The following TENM2 variants were observed in gnomAD, a reference collection of about 807,000 sequenced individuals.
The protein encoded by TENM2 is teneurin transmembrane protein 2, also known as teneurin-2.
TENM2 carries 52 observed loss-of-function variants against 245.2 expected under a neutral mutation model. The ratio of observed to expected loss-of-function variants is 0.21; its 90% confidence interval spans 0.17 to 0.27. The LOEUF (loss-of-function observed/expected upper bound fraction) is 0.27, where lower values mean the gene tolerates loss of function less well. Among genes scored for constraint, TENM2 ranks in the 10% least tolerant of loss-of-function variants. TENM2 has a pLI of 1.00. For missense variants in TENM2, 3,046 were observed against 3,666.8 expected (o/e 0.83, Z 4.37); for synonymous variants, 1,363 against 1,438.9 (o/e 0.95, Z 1.19).
At chr5:167,961,163 A>C (rs916809852) in intron 4 of TENM2, among the ~76,000 whole-genome samples, 2 of 152,244 alleles carry the variant, frequency 1.3e-5, no homozygotes, top group African/African-American at 4.8e-5. Flanking sequence ...GCCAGCCAGC[A>C]GAATTATAGG....
intron 2 of TENM2, among the ~76,000 whole-genome samples, chr5:167,809,939 C>T (rs966396417): frequency 6.6e-6 from 1 of 152,000 alleles, no homozygotes; most frequent in Admixed American, 6.6e-5. Context: ...GGTCCTTGCT[C>T]CAGTCAATAG....
the TENM2 span, among the ~76,000 whole-genome samples, chr5:167,112,805 G>A: frequency 2.6e-5 from 4 of 152,238 alleles, no homozygotes; most frequent in African/African-American, 4.8e-5. Context: ...CTTTCCTAAC[G>A]GAATATTGGA....
intron 4 of TENM2, among the ~76,000 whole-genome samples, chr5:167,990,119 T>A (rs1362479931): frequency 6.6e-6 from 1 of 152,206 alleles, no homozygotes; most frequent in Non-Finnish European, 1.5e-5. Context: ...CACTACTCAC[T>A]CTGGGAGAAT....
the TENM2 span, among the ~76,000 whole-genome samples, chr5:167,149,229 C>T: frequency 1.3e-5 from 2 of 151,698 alleles, no homozygotes; most frequent in Admixed American, 6.6e-5. Flanking sequence ...TTTTTTCTCC[C>T]CTGATAGATT....
At chr5:167,683,154 C>G (rs554317871) in intron 2 of TENM2, among the ~76,000 whole-genome samples, 1 of 152,142 alleles carries the variant, frequency 6.6e-6, no homozygotes, top group South Asian at 2.1e-4. Context: ...ATTTCTTTCA[C>G]AGCAATTATA....
chr5:168,047,527 A>G (rs1788712500), exon 6 of TENM2: 1 of 1,551,638 alleles, frequency 6.4e-7, no homozygotes. Context: ...ATGATGTGGC[A>G]ACAATGCCAT....
chr5:167,877,239 C>T (rs1016168777), intron 3 of TENM2, among the ~76,000 whole-genome samples: 2 of 152,136 alleles, frequency 1.3e-5, no homozygotes, highest in Non-Finnish European at 2.9e-5. Context: ...GAGTATATGC[C>T]ACCCACCACT....
intron 3 of TENM2, among the ~76,000 whole-genome samples, chr5:167,907,521 CTAAATATATATATATA>C (rs1776185922): frequency 1.2e-5 from 1 of 81,508 alleles, no homozygotes; most frequent in African/African-American, 3.9e-5. Flanking sequence ...TTAGATCACC[CTAAATATATATATATA>C]TATATATATA....
chr5:167,740,349 C>T (rs537428653), intron 2 of TENM2, among the ~76,000 whole-genome samples: 6 of 152,260 alleles, frequency 3.9e-5, no homozygotes, highest in African/African-American at 1.4e-4. Context: ...AAGGCAGCAG[C>T]TTCTGAACTA....
intron 2 of TENM2, among the ~76,000 whole-genome samples, chr5:167,464,301 A>T (rs1766508086): frequency 1.3e-5 from 2 of 152,226 alleles, no homozygotes; most frequent in Admixed American, 1.3e-4. Context: ...ACCCTCTCTC[A>T]TAAAGGGAGT....
At chr5:167,080,139 T>C in the TENM2 span, among the ~76,000 whole-genome samples, 2 of 152,260 alleles carry the variant, frequency 1.3e-5, no homozygotes, top group Non-Finnish European at 2.9e-5. Context: ...ATAATTTTTA[T>C]AAGTTGAATA....
intron 2 of TENM2, among the ~76,000 whole-genome samples, chr5:167,562,120 C>T (rs1773631697): frequency 6.6e-6 from 1 of 152,138 alleles, no homozygotes; most frequent in African/African-American, 2.4e-5. Flanking sequence ...AGTGAGTGCT[C>T]CCAGTCATTC....
At chr5:167,658,015 C>T (rs1754963556) in intron 2 of TENM2, among the ~76,000 whole-genome samples, 1 of 152,142 alleles carries the variant, frequency 6.6e-6, no homozygotes, top group Non-Finnish European at 1.5e-5. Flanking sequence ...AGTGTTATTG[C>T]ATGCTTGTCT....
chr5:168,225,666 CAGG>C lies in TENM2; in HGVS notation c.5109-419_5109-417del, dbSNP rs1182733162. ...ATCCCAGCTGCTCGGGAGGCTGAGG[CAGG>C]AGAATTGCTTGAACCCAGGAGGTGG... On this transcript the variant is annotated intron_variant, in intron 23 of 28. Coordinates refer to ENST00000518659, the Ensembl canonical transcript of TENM2. Among the ~76,000 whole-genome samples, 12 of 149,870 alleles carry C rather than the reference CAGG, an allele frequency of 8.0e-5. 1 individual carries two copies. Among genetic ancestry groups the C allele is most frequent in the African/African-American group, 2.5e-4 (10 of 40,726 alleles).
intron 11 of TENM2, among the ~76,000 whole-genome samples, chr5:168,125,856 C>T (rs1433015776): frequency 6.6e-6 from 1 of 152,118 alleles, no homozygotes; most frequent in Non-Finnish European, 1.5e-5. Flanking sequence ...CAAGGCCGTG[C>T]AGATGATGGG....
chr5:168,171,979 C>T (rs1425595383), intron 13 of TENM2, among the ~76,000 whole-genome samples: 2 of 152,206 alleles, frequency 1.3e-5, no homozygotes, highest in Admixed American at 1.3e-4. Context: ...GAGGCAAGGT[C>T]CTCGTGCCAT....
At chr5:167,638,651 C>G (rs1175385310) in intron 2 of TENM2, among the ~76,000 whole-genome samples, 1 of 152,192 alleles carries the variant, frequency 6.6e-6, no homozygotes, top group Non-Finnish European at 1.5e-5. Flanking sequence ...ATTTAAAGAT[C>G]AATTTAGCCA....
chr5:167,476,727 T>C (rs1767408994), intron 2 of TENM2, among the ~76,000 whole-genome samples: 2 of 152,156 alleles, frequency 1.3e-5, no homozygotes, highest in Admixed American at 6.5e-5. Flanking sequence ...GCCTCCCAAG[T>C]AGCTGGGATT....
chr5:167,517,509 GAACTGCTATA>G (rs1249467518), intron 2 of TENM2, among the ~76,000 whole-genome samples: 3 of 152,092 alleles, frequency 2.0e-5, no homozygotes, highest in Non-Finnish European at 4.4e-5. Flanking sequence ...TAGTGCTTAT[GAACTGCTATA>G]GTTTTCAGCG....
Sources: gnomAD v4.1 joint callset for allele counts (sites outside exome capture counted in the v4.1 genomes callset) on GRCh38, gnomAD v4.1.1 for gene constraint, MANE v1.5 for transcripts, NCBI Gene and HGNC (gene_info 2026-07-23, HGNC 2026-07-21) for gene names.